Variants in CDKAL1 observed in about 807,000 individuals in gnomAD.
CDKAL1 encodes CDKAL1 threonylcarbamoyladenosine tRNA methylthiotransferase.
A neutral mutation model predicts 68.2 loss-of-function variants in CDKAL1; 32 were observed. The observed-to-expected ratio is 0.47, with a 90% CI of 0.35 to 0.63. CDKAL1 has a LOEUF of 0.63. Ranked by LOEUF, CDKAL1 falls within the 30% of genes least tolerant of loss-of-function variation. The probability of loss-of-function intolerance (pLI) is 0.00; values close to 1 mark genes in which losing one functional copy is unlikely to be tolerated. For synonymous variants in CDKAL1, 234 were observed against 244.3 expected (o/e 0.96, Z 0.39); for missense variants, 606 against 696.7 (o/e 0.87, Z 1.47).
chr6:21,146,717 G>C (rs569755303), intron 13 of CDKAL1, among the ~76,000 whole-genome samples: 5 of 151,996 alleles, frequency 3.3e-5, no homozygotes, highest in Non-Finnish European at 7.4e-5. Flanking sequence ...TGGGCGTGGT[G>C]GTGGGCACCT....
intron 10 of CDKAL1, among the ~76,000 whole-genome samples, chr6:20,972,460 G>A (rs999216082): frequency 6.6e-6 from 1 of 152,192 alleles, no homozygotes; most frequent in Admixed American, 6.5e-5. Context: ...AAGCCTATCA[G>A]TTTCTTTTTA....
At chr6:20,650,858 G>T (rs1188255327) in intron 5 of CDKAL1, among the ~76,000 whole-genome samples, 1 of 152,082 alleles carries the variant, frequency 6.6e-6, no homozygotes, top group Non-Finnish European at 1.5e-5. Context: ...AAGATCAGAT[G>T]GTTGTAGATG....
At chr6:20,686,739 G>A (rs1490771134) in intron 5 of CDKAL1, among the ~76,000 whole-genome samples, 1 of 152,124 alleles carries the variant, frequency 6.6e-6, no homozygotes, top group African/African-American at 2.4e-5. Flanking sequence ...GAAAAGGAGT[G>A]GTGAGGGGAC....
chr6:20,983,181 A>G (rs1421873702), intron 10 of CDKAL1, among the ~76,000 whole-genome samples: 2 of 152,172 alleles, frequency 1.3e-5, no homozygotes, highest in African/African-American at 4.8e-5. Flanking sequence ...TAAAAAATAT[A>G]TGTTTATCAG....
chr6:20,824,609 G>C (rs190764600), intron 8 of CDKAL1, among the ~76,000 whole-genome samples: 5 of 152,326 alleles, frequency 3.3e-5, no homozygotes, highest in African/African-American at 9.6e-5. Flanking sequence ...CAACATGGCA[G>C]CTTCTTCAAA....
chr6:20,954,509 C>T (rs1764685634), intron 9 of CDKAL1, among the ~76,000 whole-genome samples: 1 of 152,120 alleles, frequency 6.6e-6, no homozygotes, highest in Admixed American at 6.5e-5. Context: ...CACAGGCTCC[C>T]TTCATTGTTT....
chr6:21,178,603 G>A (rs1287095333), intron 13 of CDKAL1, among the ~76,000 whole-genome samples: 3 of 152,186 alleles, frequency 2.0e-5, no homozygotes, highest in Non-Finnish European at 4.4e-5. Context: ...AAAAGTCATT[G>A]CAGAACAGGT....
chr6:20,754,519 C>A (rs1048131619), intron 6 of CDKAL1, among the ~76,000 whole-genome samples: 14 of 152,090 alleles, frequency 9.2e-5, no homozygotes, highest in Non-Finnish European at 1.6e-4. Flanking sequence ...TCCTACGTTA[C>A]GGTTCTGATT....
intron 15 of CDKAL1, among the ~76,000 whole-genome samples, chr6:21,208,254 C>A (rs1562118664): frequency 6.6e-6 from 1 of 152,130 alleles, no homozygotes; most frequent in African/African-American, 2.4e-5. Flanking sequence ...TGCTTCATTA[C>A]CAGACAAAGG....
intron 9 of CDKAL1, among the ~76,000 whole-genome samples, chr6:20,926,887 T>TTG (rs1763211029): frequency 6.8e-6 from 1 of 146,860 alleles, no homozygotes; most frequent in South Asian, 2.1e-4. Flanking sequence ...TTCTATATAT[T>TTG]TATATATATA....
At chr6:20,932,938 G>A (rs1274814159) in intron 9 of CDKAL1, among the ~76,000 whole-genome samples, 1 of 152,096 alleles carries the variant, frequency 6.6e-6, no homozygotes, top group Non-Finnish European at 1.5e-5. Context: ...GATTGTTATT[G>A]TATTTAGTAG....
At chr6:20,645,529 A>G (rs1768401922) in intron 4 of CDKAL1, among the ~76,000 whole-genome samples, 1 of 151,956 alleles carries the variant, frequency 6.6e-6, no homozygotes, top group Non-Finnish European at 1.5e-5. Flanking sequence ...CAAGAGATTG[A>G]GACCATCCTG....
intron 15 of CDKAL1, among the ~76,000 whole-genome samples, chr6:21,205,091 G>A (rs925513137): frequency 5.3e-5 from 8 of 152,166 alleles, no homozygotes; most frequent in African/African-American, 1.7e-4. Flanking sequence ...TTAGCATAAT[G>A]TCCTCAGGGT....
intron 4 of CDKAL1, among the ~76,000 whole-genome samples, chr6:20,561,446 G>GAAAAAAAAAAAAAAAAAAAAAAA (rs55750789): frequency 1.3e-5 from 1 of 79,652 alleles, no homozygotes; most frequent in African/African-American, 4.9e-5. Flanking sequence ...TCTCAAAAAA[G>GAAAAAAAAAAAAAAAAAAAAAAA]AAAAAAAAAA....
chr6:20,814,550 G>T (rs1776962985), intron 8 of CDKAL1, among the ~76,000 whole-genome samples: 1 of 152,156 alleles, frequency 6.6e-6, no homozygotes, highest in Non-Finnish European at 1.5e-5. Flanking sequence ...AAAGTGTCAG[G>T]ATTAAAGGCG....
chr6:20,582,549 G>C (rs1204147179), intron 4 of CDKAL1, among the ~76,000 whole-genome samples: 1 of 151,974 alleles, frequency 6.6e-6, no homozygotes, highest in Non-Finnish European at 1.5e-5. Context: ...TTTTTGAGTT[G>C]TCTGACACAG....
chr6:20,795,226 A>G (rs1257826327), intron 8 of CDKAL1, among the ~76,000 whole-genome samples: 1 of 152,146 alleles, frequency 6.6e-6, no homozygotes, highest in Non-Finnish European at 1.5e-5. Context: ...GAAGCTCTCA[A>G]TAAAAATGTT....
chr6:21,195,893 A>G (rs1467288818), intron 13 of CDKAL1, among the ~76,000 whole-genome samples: 1 of 152,132 alleles, frequency 6.6e-6, no homozygotes, highest in African/African-American at 2.4e-5. Flanking sequence ...AAATAGGATG[A>G]CTGAAAAGGT....
intron 13 of CDKAL1, among the ~76,000 whole-genome samples, chr6:21,118,304 C>T (rs1018990137): frequency 3.9e-5 from 6 of 152,138 alleles, no homozygotes; most frequent in African/African-American, 7.2e-5. Context: ...CCTTTTTCTG[C>T]GCTGCTCACA....
Sources: gnomAD v4.1 joint callset for allele counts (sites outside exome capture counted in the v4.1 genomes callset) on GRCh38, gnomAD v4.1.1 for gene constraint, MANE v1.5 for transcripts, NCBI Gene and HGNC (gene_info 2026-07-23, HGNC 2026-07-21) for gene names.